SAMMSON: variants seen among roughly 807,000 people sequenced by gnomAD.
The protein encoded by SAMMSON is long intergenic non-protein coding RNA 1212.
At chr3:70,372,477 A>G (rs981196982) in intron 9 of SAMMSON, among the ~76,000 whole-genome samples, 12 of 151,548 alleles carry the variant, frequency 7.9e-5, no homozygotes. Flanking sequence ...TTTTTGTATT[A>G]TTAGTAGAGA....
intron 2 of SAMMSON, among the ~76,000 whole-genome samples, chr3:70,428,116 AG>A (rs1035530224): frequency 6.6e-6 from 1 of 152,202 alleles, no homozygotes; most frequent in African/African-American, 2.4e-5. Flanking sequence ...AAAGGAATGA[AG>A]ATATATATTT....
intron 9 of SAMMSON, among the ~76,000 whole-genome samples, chr3:70,369,862 T>C (rs1162606137): frequency 4.6e-5 from 7 of 151,874 alleles, no homozygotes. Context: ...ATATAGTACA[T>C]TGTTATGAAC....
intron 7 of SAMMSON, chr3:70,354,152 C>T (rs1207034222): frequency 2.0e-5 from 3 of 152,046 alleles, no homozygotes; most frequent in African/African-American, 7.2e-5. Flanking sequence ...TGTAAATATC[C>T]TGGTTGTGAT....
intron 4 of SAMMSON, among the ~76,000 whole-genome samples, chr3:70,143,547 A>T (rs2067536207): frequency 6.6e-6 from 1 of 152,044 alleles, no homozygotes; most frequent in African/African-American, 2.4e-5. Context: ...CAGGAGGTTC[A>T]CCTTTGTGGG....
At chr3:70,126,534 G>A (rs1037760662) in intron 4 of SAMMSON, 10 of 573,364 alleles carry the variant, frequency 1.7e-5, no homozygotes, top group Admixed American at 2.9e-5. Context: ...AGAAGAGTTC[G>A]GTCGGCCGAG....
intron 4 of SAMMSON, chr3:70,095,950 A>G (rs530368859): frequency 6.6e-6 from 1 of 152,214 alleles, no homozygotes; most frequent in Admixed American, 6.5e-5. Context: ...AATCTAACAC[A>G]TGTTTATTTT....
At chr3:70,050,579 A>G (rs2067142356) in intron 3 of SAMMSON, among the ~76,000 whole-genome samples, 1 of 152,156 alleles carries the variant, frequency 6.6e-6, no homozygotes, top group African/African-American at 2.4e-5. Context: ...CACATAGGCA[A>G]TTAGAAGAAG....
At chr3:70,161,451 C>T (rs2067614919) in intron 4 of SAMMSON, among the ~76,000 whole-genome samples, 1 of 151,958 alleles carries the variant, frequency 6.6e-6, no homozygotes, top group South Asian at 2.1e-4. Flanking sequence ...TGTTCTTTCT[C>T]TGTTACTATG....
At chr3:70,027,636 A>G (rs13086024) in intron 3 of SAMMSON, among the ~76,000 whole-genome samples, 9,027 of 152,292 alleles carry the variant, frequency 0.059, 381 homozygotes, top group South Asian at 0.14. Context: ...TTTATTTTAG[A>G]ATAACACTAC....
intron 4 of SAMMSON, among the ~76,000 whole-genome samples, chr3:70,134,831 T>C (rs1027266065): frequency 5.9e-5 from 9 of 152,194 alleles, no homozygotes; most frequent in Non-Finnish European, 8.8e-5. Flanking sequence ...CAGTTATTTA[T>C]CTTTCCAAAG....
chr3:70,194,587 A>G (rs1435198386), intron 4 of SAMMSON, among the ~76,000 whole-genome samples: 1 of 152,210 alleles, frequency 6.6e-6, no homozygotes, highest in Non-Finnish European at 1.5e-5. Context: ...AAAGTGAGGA[A>G]CAAAGTTAAC....
At chr3:70,403,565 G>A (rs1379414097) in intron 2 of SAMMSON, among the ~76,000 whole-genome samples, 1 of 152,138 alleles carries the variant, frequency 6.6e-6, no homozygotes, top group Non-Finnish European at 1.5e-5. Context: ...TGTAAATAAA[G>A]TTTGATTGGA....
intron 6 of SAMMSON, among the ~76,000 whole-genome samples, chr3:70,267,668 G>A (rs1311521184): frequency 6.7e-6 from 1 of 148,946 alleles, no homozygotes; most frequent in Non-Finnish European, 1.5e-5. Context: ...CGCCTGCCTC[G>A]GCCTCCCAGA....
intron 4 of SAMMSON, among the ~76,000 whole-genome samples, chr3:70,222,525 G>A (rs1701470067): frequency 6.6e-6 from 1 of 152,188 alleles, no homozygotes. Flanking sequence ...TGCTAGATCT[G>A]CTTTGGGCTA....
downstream of SAMMSON, among the ~76,000 whole-genome samples, chr3:70,390,621 G>C (rs1701037382): frequency 6.6e-6 from 1 of 151,962 alleles, no homozygotes; most frequent in Admixed American, 6.6e-5. Context: ...AACTCATTCA[G>C]TATCACAAAG....
intron 4 of SAMMSON, among the ~76,000 whole-genome samples, chr3:70,198,544 G>A (rs1701203700): frequency 1.3e-5 from 2 of 152,142 alleles, no homozygotes; most frequent in South Asian, 4.1e-4. Flanking sequence ...AAGTTATAAG[G>A]TGAGTCCTGA....
chr3:70,109,952 A>G lies in SAMMSON; in HGVS notation n.507+38387A>G, dbSNP rs574540253. ...AACTTTGCAATTTATTTGGGATACTATGGTGAAAAGCACCATTTCTGTTTC... is the reference window on the plus strand; with the variant it reads ...AACTTTGCAATTTATTTGGGATACTGTGGTGAAAAGCACCATTTCTGTTTC... On this transcript the variant is annotated intron_variant and non_coding_transcript_variant, in intron 4 of 9. Transcript: ENST00000642114. Among the ~76,000 whole-genome samples the G allele has an allele frequency of 3.3e-4, 50 of 152,356 alleles. 2 individuals are homozygous for G. The highest frequency in any genetic ancestry group is 1.9e-3 in the South Asian group (9 of 4,832).
At chr3:70,330,664 TG>T (rs1197449954) in intron 7 of SAMMSON, among the ~76,000 whole-genome samples, 1 of 152,142 alleles carries the variant, frequency 6.6e-6, no homozygotes, top group Non-Finnish European at 1.5e-5. Flanking sequence ...TCAGTGCTGT[TG>T]GTTTAAAAGT....
chr3:70,350,113 G>A (rs1016010449), intron 7 of SAMMSON, among the ~76,000 whole-genome samples: 1 of 152,054 alleles, frequency 6.6e-6, no homozygotes, highest in East Asian at 1.9e-4. Flanking sequence ...GACACCAGAG[G>A]CACTTAAACA....
Sources: gnomAD v4.1 joint callset for allele counts (sites outside exome capture counted in the v4.1 genomes callset) on GRCh38, gnomAD v4.1.1 for gene constraint, MANE v1.5 for transcripts, NCBI Gene and HGNC (gene_info 2026-07-23, HGNC 2026-07-21) for gene names.